The following SVEP1 variants were observed in gnomAD, a reference collection of about 807,000 sequenced individuals.
SVEP1 encodes the protein sushi, von Willebrand factor type A, EGF and pentraxin domain-containing protein 1.
A neutral mutation model predicts 367.3 loss-of-function variants in SVEP1; 164 were observed. That is an observed-to-expected ratio of 0.45 (90% CI 0.39 to 0.51). The LOEUF is 0.51. Ranked by LOEUF, SVEP1 falls within the 20% of genes least tolerant of loss-of-function variation. The pLI, the probability that SVEP1 is intolerant of heterozygous loss-of-function variation, is 0.00. For missense variants in SVEP1, 4,117 were observed against 4,425.3 expected, an observed-to-expected ratio of 0.93 and a Z score of 1.98; for synonymous variants, 1,666 against 1,611.6, an observed-to-expected ratio of 1.03 and a Z score of -0.81.
intron 9 of SVEP1, among the ~76,000 whole-genome samples, chr9:110,487,568 C>A (rs936518726): frequency 6.6e-6 from 1 of 152,008 alleles, no homozygotes; most frequent in Non-Finnish European, 1.5e-5. Flanking sequence ...GGGTAAGGAA[C>A]CAGTTTAATA....
At chr9:110,574,743 C>CTTTTTT (rs1163833465) in intron 1 of SVEP1, among the ~76,000 whole-genome samples, 2 of 84,758 alleles carry the variant, frequency 2.4e-5, no homozygotes, top group Non-Finnish European at 2.4e-5. Flanking sequence ...AGTCGACCTT[C>CTTTTTT]TTTTTTTTTT....
chr9:110,452,129 A>G (rs1447718342), intron 22 of SVEP1, among the ~76,000 whole-genome samples: 1 of 152,238 alleles, frequency 6.6e-6, no homozygotes, highest in Non-Finnish European at 1.5e-5. Context: ...ACATTAAAAT[A>G]TGCTAAAAGG....
rs111443641 is a variant in SVEP1 at position 110,414,629 on chromosome 9, G to A, written c.5976-2894C>T. On this transcript the variant is annotated intron_variant, in intron 36 of 47. Transcript: ENST00000374469. ...TCGTAACAAAAAATCCTTTGAAAAT[G>A]GGCAGAATAATTTTCAGATGCAATT... Among the ~76,000 whole-genome samples, 127 of 152,036 alleles carry A rather than the reference G, an allele frequency of 8.4e-4. 2 individuals carry two copies. Among genetic ancestry groups the A allele is most frequent in the African/African-American group, 3.0e-3 (123 of 41,352 alleles).
intron 37 of SVEP1, among the ~76,000 whole-genome samples, chr9:110,409,581 AG>A (rs1451276977): frequency 6.6e-6 from 1 of 152,218 alleles, no homozygotes; most frequent in Admixed American, 6.5e-5. Flanking sequence ...TAAATTACTC[AG>A]TTCAAAAAAA....
intron 1 of SVEP1, among the ~76,000 whole-genome samples, chr9:110,560,212 G>T (rs1830409567): frequency 6.6e-6 from 1 of 152,126 alleles, no homozygotes; most frequent in Admixed American, 6.6e-5. Flanking sequence ...GTAACATACT[G>T]TAAGGGCTTA....
chr9:110,404,445 A>G lies in SVEP1; in HGVS notation c.9548T>C (p.Leu3183Pro), dbSNP rs751568474. 1 of 1,613,870 alleles carries G rather than the reference A, an allele frequency of 6.2e-7. No individual in the cohort carries two copies. Among genetic ancestry groups the G allele is most frequent in the Non-Finnish European group, 8.5e-7 (1 of 1,179,906 alleles). The change falls in exon 39 of 48, where the codon CTC (leucine) becomes CCC (proline). Residue 3183 changes from leucine (L) to proline (P), a missense_variant. Leu to Pro is a moderately conservative substitution (Grantham distance 98, BLOSUM62 -3). Coordinates refer to ENST00000374469, the MANE Select transcript of SVEP1 (RefSeq NM_153366.4). ...AAGTATATGTGTTATGTTTTCCGGG[A>G]GAGGACATTTTTTAGGACTGCAGGA... ...RISCSPKKCP[L>P]PENITHILVH...
At chr9:110,528,927 T>G (rs1218746838) in intron 3 of SVEP1, among the ~76,000 whole-genome samples, 1 of 151,984 alleles carries the variant, frequency 6.6e-6, no homozygotes, top group East Asian at 1.9e-4. Context: ...GCTTTTGGAG[T>G]CTTAGTCACA....
chr9:110,540,895 G>A (rs114253521), intron 3 of SVEP1, among the ~76,000 whole-genome samples: 140 of 152,216 alleles, frequency 9.2e-4, no homozygotes, highest in African/African-American at 3.2e-3. Flanking sequence ...GGAAGCCACC[G>A]CCTTGGCTAC....
At chr9:110,380,591 C>T (rs1012153203) in intron 43 of SVEP1, among the ~76,000 whole-genome samples, 28 of 152,180 alleles carry the variant, frequency 1.8e-4, no homozygotes, top group Middle Eastern at 3.4e-3. Flanking sequence ...GGATTCGGTT[C>T]TCCGGTATTT....
intron 3 of SVEP1, among the ~76,000 whole-genome samples, chr9:110,539,624 T>TATAC (rs899788953): frequency 8.6e-5 from 13 of 150,680 alleles, no homozygotes; most frequent in African/African-American, 2.4e-4. Flanking sequence ...AGTATATATA[T>TATAC]ACACATATAT....
rs1383565846 is a variant in SVEP1, at chr9:110,366,085, C to CTA, written c.*452_*453dup. ...GGTCTCCTTTATTGTAAGGGGTCTCCTATGTGGTGCCAGTGGCACAGATGA... is the reference window on the plus strand; with the variant it reads ...GGTCTCCTTTATTGTAAGGGGTCTCCTATATGTGGTGCCAGTGGCACAGATGA... On this transcript the variant is annotated 3_prime_UTR_variant, in exon 48 of 48. Coordinates refer to ENST00000374469, the MANE Select transcript of SVEP1 (RefSeq NM_153366.4). 2 of 154,266 alleles carry CTA rather than the reference C, an allele frequency of 1.3e-5. No homozygotes were observed. The highest frequency in any genetic ancestry group is 4.8e-5 in the African/African-American group (2 of 41,530). The allele number at this position is 154,266 out of a possible 1,614,324, so 9.6% of individuals were successfully genotyped here.
In SVEP1 at chr9:110,408,065, G is replaced by T. The variant is rs200375910; in HGVS notation, c.7535C>A (p.Thr2512Lys). Residue 2512 changes from threonine to lysine, a missense_variant, in exon 38 of 48, where the codon ACG (threonine) becomes AAG (lysine). Physicochemically the swap from Thr to Lys is moderately conservative, Grantham distance 78 (BLOSUM62 -1). Transcript: ENST00000374469. ...AACGGTCTGTCCATAGTGTAGGTCCGTGTAAGAGAATTTGCCATTCAAAAT... is the reference window on the plus strand; with the variant it reads ...AACGGTCTGTCCATAGTGTAGGTCCTTGTAAGAGAATTTGCCATTCAAAAT... Reference protein sequence around the residue: ...KEILNGKFSYTDLHYGQTVTY... With the variant: ...KEILNGKFSYKDLHYGQTVTY... 4 of 1,613,324 alleles carry T rather than the reference G, an allele frequency of 2.5e-6. No homozygotes were observed.
intron 8 of SVEP1, 72 bp from the exon 9 acceptor site, chr9:110,489,851 A>G: frequency 1.3e-6 from 2 of 1,482,800 alleles, no homozygotes; most frequent in Non-Finnish European, 9.0e-7. Flanking sequence ...TTTATATATT[A>G]TTAGTAATGT....
chr9:110,546,002 T>TAATGTGTGTA (rs1830215820), intron 3 of SVEP1, 113 bp downstream of exon 3: 2 of 1,298,230 alleles, frequency 1.5e-6, no homozygotes, highest in Admixed American at 4.5e-5. Flanking sequence ...GATGTGCCAC[T>TAATGTGTGTA]GACCCCACAC....
In SVEP1 at chr9:110,445,917, G is replaced by A. The variant is rs368920627; in HGVS notation, c.4383C>T (p.Asp1461=). 3.2e-5 allele frequency: 51 copies of A among 1,613,776 alleles called. No individual in the cohort carries two copies. The highest frequency in any genetic ancestry group is 1.6e-4 in the Middle Eastern group (1 of 6,084). Residue 1461 remains aspartate (D), a synonymous_variant, in exon 26 of 48, where the codon GAC becomes GAT. Transcript: ENST00000374469. ...LTCTFWMKSS[D]DMNYGTPISY... ...AGATTGGTGTTCCATAGTTCATGTC[G>A]TCAGAGGATTTCATCCAGAAGGTAC...
In SVEP1 at chr9:110,372,522, CAAAT is replaced by C. The variant is rs920831055; in HGVS notation, c.10601-2510_10601-2507del. On this transcript the variant is annotated intron_variant, in intron 46 of 47. Coordinates refer to ENST00000374469, the MANE Select transcript of SVEP1 (RefSeq NM_153366.4). Reference sequence around the variant, plus strand: ...GAGAGCTAAGGTGTTAAAAGAAATGCAAATAAATCAGATCTATTTATTAGCTTTA... The same window carrying C: ...GAGAGCTAAGGTGTTAAAAGAAATGCAAATCAGATCTATTTATTAGCTTTA... Among the ~76,000 whole-genome samples the C allele has an allele frequency of 2.2e-4, 34 of 152,172 alleles. 2 individuals carry two copies. The highest frequency in any genetic ancestry group is 1.0e-4 in the Non-Finnish European group (7 of 68,028).
At chr9:110,502,620 G>A (rs1395863922) in intron 6 of SVEP1, among the ~76,000 whole-genome samples, 1 of 151,506 alleles carries the variant, frequency 6.6e-6, no homozygotes, top group Non-Finnish European at 1.5e-5. Context: ...ATTTTTATTT[G>A]TTCTTGTTTA....
intron 6 of SVEP1, 34 bp from the exon 7 acceptor site, chr9:110,499,272 G>T: frequency 6.4e-7 from 1 of 1,568,980 alleles, no homozygotes; most frequent in Non-Finnish European, 8.7e-7. Context: ...TGTTATTTGT[G>T]TTCCCACAAA....
At chr9:110,576,352 T>TG (rs1210968919) in intron 1 of SVEP1, among the ~76,000 whole-genome samples, 1 of 152,078 alleles carries the variant, frequency 6.6e-6, no homozygotes, top group Non-Finnish European at 1.5e-5. Context: ...AAATATATGG[T>TG]GGGAATACAA....
Sources: gnomAD v4.1 joint callset for allele counts (sites outside exome capture counted in the v4.1 genomes callset) on GRCh38, gnomAD v4.1.1 for gene constraint, MANE v1.5 for transcripts, NCBI Gene and HGNC (gene_info 2026-07-23, HGNC 2026-07-21) for gene names.